Variants in CTNNA3 observed in about 807,000 individuals in gnomAD.
CTNNA3 encodes catenin alpha-3.
In CTNNA3, 76 loss-of-function variants were observed where a neutral mutation model predicts 95.7. The ratio of observed to expected loss-of-function variants is 0.79; its 90% CI spans 0.66 to 0.96. The LOEUF is 0.96. Ranked by LOEUF, CTNNA3 falls within the 40% of genes least tolerant of loss-of-function variation. The pLI, the probability that CTNNA3 is intolerant of heterozygous loss-of-function variation, is 0.00. For missense variants in CTNNA3, 1,191 were observed against 1,089.8 expected (o/e 1.09, Z -1.31); for synonymous variants, 431 against 374.4 (o/e 1.15, Z -1.74).
chr10:66,723,586 A>T (rs1848694309), intron 9 of CTNNA3, among the ~76,000 whole-genome samples: 1 of 152,218 alleles, frequency 6.6e-6, no homozygotes, highest in South Asian at 2.1e-4. Flanking sequence ...CCCAGCAGGG[A>T]CTAGAATGGT....
At chr10:67,394,399 T>C (rs1844641438) in intron 5 of CTNNA3, among the ~76,000 whole-genome samples, 1 of 152,022 alleles carries the variant, frequency 6.6e-6, no homozygotes, top group Non-Finnish European at 1.5e-5. Flanking sequence ...CATAAAATCT[T>C]TCATAAAATG....
chr10:65,941,264 G>A (rs1296466996), intron 17 of CTNNA3, among the ~76,000 whole-genome samples: 3 of 152,158 alleles, frequency 2.0e-5, no homozygotes, highest in African/African-American at 4.8e-5. Flanking sequence ...AGCAGGATCT[G>A]CAGCCAGGCA....
chr10:66,064,712 A>G lies in CTNNA3; in HGVS notation c.2159+4596T>C, dbSNP rs143971749. On this transcript the variant is annotated intron_variant, in intron 15 of 17. Coordinates refer to ENST00000433211, the MANE Select transcript of CTNNA3 (RefSeq NM_013266.4). ...CCTCCAAATGCCATAAGGGCATTAA[A>G]ATTAAAATCTTAGTATCAACATTTA... 2.6e-3 allele frequency among the ~76,000 whole-genome samples: 391 copies of G among 152,286 alleles called. 6 individuals carry two copies. The highest frequency in any genetic ancestry group is 9.1e-3 in the African/African-American group (378 of 41,572).
intron 5 of CTNNA3, among the ~76,000 whole-genome samples, chr10:67,316,939 A>G (rs1372171836): frequency 6.6e-6 from 1 of 152,202 alleles, no homozygotes; most frequent in African/African-American, 2.4e-5. Flanking sequence ...AAAATAGTAA[A>G]AGGCATTATT....
intron 5 of CTNNA3, among the ~76,000 whole-genome samples, chr10:67,313,437 A>AT (rs1177701602): frequency 2.6e-5 from 4 of 151,548 alleles, no homozygotes; most frequent in African/African-American, 9.7e-5. Flanking sequence ...GTCTCAAAAA[A>AT]AAAAAAAATA....
intron 7 of CTNNA3, among the ~76,000 whole-genome samples, chr10:66,891,865 G>A (rs1429395607): frequency 2.0e-5 from 3 of 151,962 alleles, no homozygotes; most frequent in African/African-American, 7.3e-5. Context: ...CCTATTTTCT[G>A]AAATTTAACA....
At chr10:66,582,488 T>A (rs1225918669) in intron 10 of CTNNA3, among the ~76,000 whole-genome samples, 2 of 151,738 alleles carry the variant, frequency 1.3e-5, no homozygotes, top group Non-Finnish European at 3.0e-5. Flanking sequence ...CACACTGGTT[T>A]TGTAATGAGA....
At chr10:66,336,930 G>A (rs898979301) in intron 12 of CTNNA3, among the ~76,000 whole-genome samples, 1 of 152,018 alleles carries the variant, frequency 6.6e-6, no homozygotes, top group Non-Finnish European at 1.5e-5. Flanking sequence ...AGGCTCTCAT[G>A]AGTTAACTGT....
chr10:67,249,042 T>C (rs1026704046), intron 5 of CTNNA3, among the ~76,000 whole-genome samples: 1 of 152,108 alleles, frequency 6.6e-6, no homozygotes, highest in Non-Finnish European at 1.5e-5. Flanking sequence ...AGATGGCAAT[T>C]TATTAGATAT....
At chr10:66,584,602 G>C (rs990533728) in intron 10 of CTNNA3, among the ~76,000 whole-genome samples, 1 of 151,830 alleles carries the variant, frequency 6.6e-6, no homozygotes, top group African/African-American at 2.4e-5. Context: ...TCTGAAGATA[G>C]CAGGTATCTA....
At chr10:66,185,594 C>G (rs2086292588) in intron 13 of CTNNA3, among the ~76,000 whole-genome samples, 1 of 152,026 alleles carries the variant, frequency 6.6e-6, no homozygotes. Context: ...GAAGCTTGCT[C>G]TCCTACGCAA....
At chr10:66,928,066 C>T (rs1290730971) in intron 7 of CTNNA3, 1 of 1,613,948 alleles carries the variant, frequency 6.2e-7, no homozygotes, top group Non-Finnish European at 8.5e-7. Context: ...TAAGCCCAAG[C>T]TCCCCAGGCC....
chr10:66,987,652 C>A (rs1850809057), intron 7 of CTNNA3, among the ~76,000 whole-genome samples: 3 of 152,174 alleles, frequency 2.0e-5, no homozygotes, highest in African/African-American at 7.2e-5. Context: ...GTATAGTTAA[C>A]TTTGGAACAC....
chr10:67,407,687 C>T (rs1045026402), intron 5 of CTNNA3, among the ~76,000 whole-genome samples: 3 of 152,160 alleles, frequency 2.0e-5, no homozygotes, highest in African/African-American at 7.2e-5. Context: ...ACCCCAAAAG[C>T]TTCTTAAGGT....
chr10:66,402,832 A>G (rs2093030713), intron 11 of CTNNA3, among the ~76,000 whole-genome samples: 1 of 152,112 alleles, frequency 6.6e-6, no homozygotes, highest in Non-Finnish European at 1.5e-5. Flanking sequence ...TTGGACCCCC[A>G]CAGGGAACCC....
At chr10:67,264,507 A>T (rs1866739618) in intron 5 of CTNNA3, among the ~76,000 whole-genome samples, 1 of 152,180 alleles carries the variant, frequency 6.6e-6, no homozygotes, top group African/African-American at 2.4e-5. Flanking sequence ...AAAGTAGGAT[A>T]AACATGATTC....
intron 7 of CTNNA3, among the ~76,000 whole-genome samples, chr10:66,871,562 CAAAAAAAAAAAAAAA>C (rs34018938): frequency 2.1e-5 from 2 of 96,460 alleles, no homozygotes; most frequent in African/African-American, 9.0e-5. Context: ...AACTCTGTCT[CAAAAAAAAAAAAAAA>C]AAAAAAAAAG....
intron 11 of CTNNA3, among the ~76,000 whole-genome samples, chr10:66,487,181 A>ATAT (rs1839762169): frequency 1.1e-4 from 5 of 45,986 alleles, no homozygotes; most frequent in African/African-American, 4.5e-4. Flanking sequence ...AAAAGGGCAG[A>ATAT]TTTTTTTTTT....
chr10:66,383,487 G>C (rs2092859914), intron 11 of CTNNA3, among the ~76,000 whole-genome samples: 1 of 152,216 alleles, frequency 6.6e-6, no homozygotes, highest in Admixed American at 6.5e-5. Flanking sequence ...ACCTGAAAGT[G>C]ATGGGAAGAA....
Sources: gnomAD v4.1 joint callset for allele counts (sites outside exome capture counted in the v4.1 genomes callset) on GRCh38, gnomAD v4.1.1 for gene constraint, MANE v1.5 for transcripts, NCBI Gene and HGNC (gene_info 2026-07-23, HGNC 2026-07-21) for gene names.